Variants in TCF20 observed in about 807,000 individuals in gnomAD.
TCF20 encodes the protein transcription factor 20, also known as SPRE-binding protein.
In TCF20, 3 loss-of-function variants were observed where a neutral mutation model predicts 148.6. The ratio of observed to expected loss-of-function variants is 0.02; its 90% confidence interval spans 0.01 to 0.05. TCF20 has a LOEUF of 0.05. TCF20 is among the 10% of genes least tolerant of loss of function. TCF20 has a pLI of 1.00. For synonymous variants in TCF20, 1,049 were observed against 909.5 expected (o/e 1.15, Z -2.76); for missense variants, 2,350 against 2,429.3 (o/e 0.97, Z 0.69).
intron 1 of TCF20, among the ~76,000 whole-genome samples, chr22:42,254,954 C>T (rs1430946987): frequency 2.7e-4 from 6 of 22,422 alleles, no homozygotes; most frequent in Non-Finnish European, 1.6e-4. Context: ...AGCAAGACTC[C>T]GTCTCAAAAA....
intron 1 of TCF20, among the ~76,000 whole-genome samples, chr22:42,224,800 TG>T (rs1390771993): frequency 6.6e-6 from 1 of 152,056 alleles, no homozygotes; most frequent in Non-Finnish European, 1.5e-5. Context: ...TAGTATCAGA[TG>T]AAAAGAGCAG....
chr22:42,304,276 T>G (rs1927394134), intron 1 of TCF20, among the ~76,000 whole-genome samples: 1 of 152,184 alleles, frequency 6.6e-6, no homozygotes, highest in Admixed American at 6.5e-5. Context: ...TGTGCTAGAT[T>G]CCCGCCTAGA....
rs200531115 is a variant in TCF20, at chr22:42,322,900, T to TG, written c.-37+20578_-37+20579insC. ...GGCTGTTTTCATTTTCTGGTTTTTT[T>TG]TTTGTTTGTTTTTCGTTTTTTTTGA... On this transcript the variant is annotated intron_variant, in intron 1 of 1. Coordinates refer to the TCF20 transcript ENST00000515426. 1.1e-3 allele frequency among the ~76,000 whole-genome samples: 165 copies of TG among 150,896 alleles called. 3 individuals are homozygous for TG. The highest frequency in any genetic ancestry group is 2.3e-3 in the East Asian group (12 of 5,156).
chr22:42,246,040 C>T (rs374009405), intron 1 of TCF20, among the ~76,000 whole-genome samples: 1 of 152,298 alleles, frequency 6.6e-6, no homozygotes, highest in East Asian at 1.9e-4. Flanking sequence ...GCTTCTCAGT[C>T]GTTTCCCCAT....
chr22:42,181,598 CTT>C (rs34232368), intron 2 of TCF20, among the ~76,000 whole-genome samples: 21 of 136,462 alleles, frequency 1.5e-4, no homozygotes, highest in South Asian at 2.4e-4. Context: ...TCCCCCCAAC[CTT>C]TTTTTTTTTT....
rs527915485 is a variant in TCF20 at position 42,261,377 on chromosome 22, A to G, written c.-37+8962T>C. Among the ~76,000 whole-genome samples the G allele has an allele frequency of 3.3e-5, 5 of 152,316 alleles. 1 individual carries two copies. In the South Asian group the frequency reaches 1.0e-3, roughly 32 times the overall value. ...AACTGCTGGGTCACAGGGCAGATGT[A>G]TGTTCAACTTTTTGAGAAACTGCCA... On this transcript the variant is annotated intron_variant, in intron 1 of 5. Transcript: ENST00000677622.
At chr22:42,276,812 A>C (rs1255776803) in intron 1 of TCF20, 1 of 152,138 alleles carries the variant, frequency 6.6e-6, no homozygotes, top group Non-Finnish European at 1.5e-5. Context: ...GATAATTGCA[A>C]AATCACGTTT....
chr22:42,161,748 C>G (rs1935473284), intron 5 of TCF20, among the ~76,000 whole-genome samples: 1 of 152,204 alleles, frequency 6.6e-6, no homozygotes, highest in Non-Finnish European at 1.5e-5. Context: ...ACCTACAGTA[C>G]CTGGTCAATC....
At chr22:42,178,502 C>T (rs1014826180) in intron 3 of TCF20, among the ~76,000 whole-genome samples, 2 of 151,278 alleles carry the variant, frequency 1.3e-5, no homozygotes, top group African/African-American at 4.9e-5. Flanking sequence ...CTGTGTGATG[C>T]TATCAAGAAA....
intron 1 of TCF20, among the ~76,000 whole-genome samples, chr22:42,227,748 T>C (rs1390936999): frequency 6.6e-6 from 1 of 152,200 alleles, no homozygotes; most frequent in Non-Finnish European, 1.5e-5. Context: ...CTCAATCTGA[T>C]CTGTATTTCC....
At chr22:42,262,616 G>T (rs1366008398) in intron 1 of TCF20, among the ~76,000 whole-genome samples, 1 of 152,002 alleles carries the variant, frequency 6.6e-6, no homozygotes, top group African/African-American at 2.4e-5. Context: ...CAAAAGCCTG[G>T]GGAGATCAGA....
At chr22:42,249,833 G>A (rs2147342987) in intron 1 of TCF20, among the ~76,000 whole-genome samples, 1 of 152,244 alleles carries the variant, frequency 6.6e-6, no homozygotes, top group South Asian at 2.1e-4. Context: ...TTCTAATACT[G>A]GAGATATAAA....
Position 42,210,637 on chromosome 22 carries a change from G to A in TCF20, c.4669C>T (p.Pro1557Ser), listed in dbSNP as rs1213733794. The change falls in exon 2 of 6, where the codon CCG becomes TCG. Residue 1557 changes from proline (P) to serine (S), a missense_variant. Pro to Ser is a moderately conservative substitution (Grantham distance 74, BLOSUM62 -1). Coordinates refer to ENST00000677622, the MANE Select transcript of TCF20 (RefSeq NM_001378418.1). This position sits in a 1 kb window ranked among gnomAD's most constrained non-coding sequence, Gnocchi z 4.7. ...VNKQKKQQQP[P>S]PPPPQPPQIP... ...TGTGGGGGCTGAGGGGGTGGAGGCG[G>A]TGGCTGCTGCTGTTTCTTTTGCTTA... is the stretch of plus-strand genomic sequence containing the variant. 5 of 1,614,070 alleles carry A rather than the reference G, an allele frequency of 3.1e-6. No individual in the cohort carries two copies. Among genetic ancestry groups the A allele is most frequent in the Non-Finnish European group, 4.2e-6 (5 of 1,180,050 alleles).
At chr22:42,337,574 C>T (rs1024004468) in intron 1 of TCF20, among the ~76,000 whole-genome samples, 1 of 152,236 alleles carries the variant, frequency 6.6e-6, no homozygotes, top group Admixed American at 6.5e-5. Context: ...TCCTGCAAGA[C>T]CCAACTCAAA....
chr22:42,279,837 C>A lies in TCF20; in HGVS notation c.-37+3990G>T, dbSNP rs1926861717. ...AATGAGCCACTGGGGGCCTCCGTGG[C>A]AATCGGGCTCACAAAGCCATGTGTG... On this transcript the variant is annotated intron_variant, in intron 1 of 5. Transcript: ENST00000359486. This position sits in a 1 kb window ranked among gnomAD's most constrained non-coding sequence, Gnocchi z 4.3. 6.6e-6 allele frequency among the ~76,000 whole-genome samples: 1 copy of A among 152,186 alleles called. No homozygotes were observed. The highest frequency in any genetic ancestry group is 6.5e-5 in the Admixed American group (1 of 15,284).
intron 1 of TCF20, among the ~76,000 whole-genome samples, chr22:42,336,799 C>CGACTGGTA (rs1160841109): frequency 2.0e-5 from 3 of 152,154 alleles, no homozygotes; most frequent in Admixed American, 6.5e-5. Flanking sequence ...ACCTCCCTCA[C>CGACTGGTA]GACTGGTACT....
intron 1 of TCF20, among the ~76,000 whole-genome samples, chr22:42,291,568 C>T (rs1434347919): frequency 6.6e-6 from 1 of 152,222 alleles, no homozygotes; most frequent in East Asian, 1.9e-4. Flanking sequence ...GAGATGTCAT[C>T]TGCCAAGAGA....
At chr22:42,238,719 G>GAC (rs1467327884) in intron 1 of TCF20, among the ~76,000 whole-genome samples, 1 of 152,170 alleles carries the variant, frequency 6.6e-6, no homozygotes, top group Non-Finnish European at 1.5e-5. Context: ...GAGATGGGGG[G>GAC]ACACCCAGTT....
chr22:42,234,471 C>A (rs928598362), intron 1 of TCF20, among the ~76,000 whole-genome samples: 1 of 152,120 alleles, frequency 6.6e-6, no homozygotes, highest in African/African-American at 2.4e-5. Flanking sequence ...ATTGTCTGGA[C>A]GATTAATTCC....
Sources: allele counts gnomAD v4.1 joint callset (sites outside exome capture counted in the v4.1 genomes callset), GRCh38; gene constraint gnomAD v4.1.1; non-coding constraint Gnocchi (gnomAD v3.1); transcripts MANE v1.5; gene names NCBI Gene and HGNC (gene_info 2026-07-23, HGNC 2026-07-21).